Variants in ANKS1B observed in about 807,000 individuals in gnomAD.
ANKS1B encodes ankyrin repeat and sterile alpha motif domain containing 1B.
ANKS1B carries 36 observed loss-of-function variants against 148.3 expected under a neutral mutation model. The observed-to-expected ratio is 0.24, with a 90% CI of 0.19 to 0.32. The LOEUF (loss-of-function observed/expected upper bound fraction) is 0.32, where lower values mean the gene tolerates loss of function less well. Among genes scored for constraint, ANKS1B ranks in the 10% least tolerant of loss-of-function variants. The pLI is 1.00. For synonymous variants in ANKS1B, 542 were observed against 560.8 expected (o/e 0.97, Z 0.47); for missense variants, 1,157 against 1,542.6 (o/e 0.75, Z 4.19).
intron 22 of ANKS1B, among the ~76,000 whole-genome samples, chr12:98,789,555 G>C (rs1401203064): frequency 6.6e-6 from 1 of 152,076 alleles, no homozygotes; most frequent in African/African-American, 2.4e-5. Context: ...TTTCTAGAAG[G>C]CAATTTGGGA....
chr12:99,004,469 TG>T (rs371748590), intron 17 of ANKS1B, among the ~76,000 whole-genome samples: 10 of 152,306 alleles, frequency 6.6e-5, no homozygotes, highest in African/African-American at 1.9e-4. Context: ...ATTTTGATGA[TG>T]GGCTCTTAAT....
At chr12:99,902,541 G>A (rs1486089037) in intron 1 of ANKS1B, among the ~76,000 whole-genome samples, 1 of 152,084 alleles carries the variant, frequency 6.6e-6, no homozygotes, top group African/African-American at 2.4e-5. Flanking sequence ...GATGGATATG[G>A]AAAAGAAGAG....
intron 17 of ANKS1B, among the ~76,000 whole-genome samples, chr12:98,851,394 A>G (rs552477614): frequency 1.1e-4 from 16 of 151,714 alleles, no homozygotes; most frequent in Admixed American, 2.6e-4. Context: ...GAGATTTCCA[A>G]GTAAAGAGCT....
At chr12:99,130,404 A>T (rs1028392190) in intron 15 of ANKS1B, among the ~76,000 whole-genome samples, 5 of 152,126 alleles carry the variant, frequency 3.3e-5, no homozygotes, top group African/African-American at 1.2e-4. Flanking sequence ...AGGAATTTTT[A>T]CTTGCTTAGG....
intron 1 of ANKS1B, among the ~76,000 whole-genome samples, chr12:99,940,785 G>C (rs189880570): frequency 6.6e-6 from 1 of 152,102 alleles, no homozygotes; most frequent in African/African-American, 2.4e-5. Flanking sequence ...TGAGTCATGA[G>C]AAGATACAAG....
intron 11 of ANKS1B, among the ~76,000 whole-genome samples, chr12:99,433,659 A>T (rs1409726255): frequency 6.6e-6 from 1 of 152,140 alleles, no homozygotes; most frequent in African/African-American, 2.4e-5. Flanking sequence ...AAGACATCCC[A>T]TTGAGATTTA....
intron 8 of ANKS1B, among the ~76,000 whole-genome samples, chr12:99,677,229 G>C (rs984812640): frequency 8.5e-5 from 13 of 152,100 alleles, no homozygotes; most frequent in Non-Finnish European, 1.9e-4. Context: ...TCCGTTTCTA[G>C]GTCCTGCTCC....
At position 98,829,159 on chromosome 12, in the gene ANKS1B, C is replaced by A. The variant is rs1247723161; in HGVS notation, c.3066+15G>T. 1.2e-6 allele frequency: 2 copies of A among 1,613,888 alleles called. No homozygotes were observed. Among genetic ancestry groups the A allele is most frequent in the Admixed American group, 3.3e-5 (2 of 60,012 alleles). On this transcript the variant is annotated intron_variant, in intron 19 of 26. Transcript: ENST00000683438. This position sits in a 1 kb window ranked among gnomAD's most constrained non-coding sequence, Gnocchi z 5.2. ...ATATGGTTGAAAAATATCACAAAGGCTTATAACACCTTACCTGAGCCATCT... is the reference window on the plus strand; with the variant it reads ...ATATGGTTGAAAAATATCACAAAGGATTATAACACCTTACCTGAGCCATCT...
At chr12:99,409,432 A>G (rs1398976792) in intron 11 of ANKS1B, among the ~76,000 whole-genome samples, 2 of 152,168 alleles carry the variant, frequency 1.3e-5, no homozygotes, top group African/African-American at 4.8e-5. Context: ...AAGATCTAGT[A>G]TTTGATAGCA....
intron 9 of ANKS1B, among the ~76,000 whole-genome samples, chr12:99,574,365 A>T (rs2097494592): frequency 1.3e-5 from 2 of 152,120 alleles, no homozygotes; most frequent in South Asian, 4.1e-4. Context: ...TAAAATCTTC[A>T]ATAGTAAGAC....
intron 16 of ANKS1B, among the ~76,000 whole-genome samples, chr12:99,080,159 T>C (rs2049194286): frequency 6.6e-6 from 1 of 152,212 alleles, no homozygotes; most frequent in South Asian, 2.1e-4. Flanking sequence ...GCAATAAACC[T>C]TTCTCTCTAC....
intron 17 of ANKS1B, among the ~76,000 whole-genome samples, chr12:99,000,730 AC>A (rs2099932517): frequency 6.6e-6 from 1 of 152,052 alleles, no homozygotes; most frequent in African/African-American, 2.4e-5. Flanking sequence ...CTGAAACTTC[AC>A]CCCTGTTGAT....
At chr12:99,593,064 C>G (rs1485336057) in intron 9 of ANKS1B, among the ~76,000 whole-genome samples, 1 of 152,034 alleles carries the variant, frequency 6.6e-6, no homozygotes, top group Non-Finnish European at 1.5e-5. Flanking sequence ...TCAGAGAGAA[C>G]AGATTGTAAG....
chr12:99,375,919 G>A (rs896765646), intron 12 of ANKS1B, among the ~76,000 whole-genome samples: 2 of 152,192 alleles, frequency 1.3e-5, no homozygotes, highest in Admixed American at 6.5e-5. Flanking sequence ...GATGTTAGCA[G>A]TGAAAGATAC....
At chr12:98,808,145 G>A (rs1475660789) in intron 19 of ANKS1B, among the ~76,000 whole-genome samples, 2 of 152,132 alleles carry the variant, frequency 1.3e-5, no homozygotes, top group African/African-American at 2.4e-5. Flanking sequence ...ATGCATTTAT[G>A]CAAGGAAAAT....
chr12:99,002,658 A>G (rs1368854378), intron 17 of ANKS1B, among the ~76,000 whole-genome samples: 1 of 152,068 alleles, frequency 6.6e-6, no homozygotes, highest in Non-Finnish European at 1.5e-5. Context: ...ATGTCTTTTC[A>G]GGTCTTGAGC....
intron 12 of ANKS1B, among the ~76,000 whole-genome samples, chr12:99,309,752 C>G (rs546264106): frequency 2.5e-4 from 38 of 152,176 alleles, no homozygotes; most frequent in African/African-American, 9.1e-4. Flanking sequence ...CCATATATTA[C>G]AATTGGTGTA....
At chr12:99,780,108 C>T (rs1375386700) in intron 5 of ANKS1B, 136 bp from the exon 6 acceptor site, 5 of 635,574 alleles carry the variant, frequency 7.9e-6, no homozygotes, top group African/African-American at 1.9e-5. Context: ...TTAAGTTCTA[C>T]ACACACACAT....
chr12:99,039,421 T>G (rs559919090), intron 17 of ANKS1B, among the ~76,000 whole-genome samples: 13 of 152,362 alleles, frequency 8.5e-5, no homozygotes, highest in African/African-American at 3.1e-4. Flanking sequence ...ACCTGCTTTG[T>G]AAAGGGCATT....
Sources: gnomAD v4.1 joint callset for allele counts (sites outside exome capture counted in the v4.1 genomes callset) on GRCh38, gnomAD v4.1.1 for gene constraint, Gnocchi (gnomAD v3.1) non-coding constraint, MANE v1.5 for transcripts, NCBI Gene and HGNC (gene_info 2026-07-23, HGNC 2026-07-21) for gene names.